The following STON2 variants were observed in gnomAD, a reference collection of about 807,000 sequenced individuals.
The protein encoded by STON2 is stonin-2.
Under a neutral mutation model 65.7 loss-of-function variants are expected in STON2, and 29 were observed. The ratio of observed to expected loss-of-function variants is 0.44; its 90% CI spans 0.33 to 0.60. The LOEUF is 0.60. Among genes scored for constraint, STON2 ranks in the 20% least tolerant of loss-of-function variants. The pLI is 0.03. For synonymous variants in STON2, 404 were observed against 414.2 expected (o/e 0.98, Z 0.30); for missense variants, 1,054 against 1,118.1 (o/e 0.94, Z 0.82).
Position 81,261,735 on chromosome 14 carries a change from C to A in STON2, c.*6679G>T. On this transcript the variant is annotated 3_prime_UTR_variant, in exon 8 of 8. Coordinates refer to ENST00000614646, the MANE Select transcript of STON2 (RefSeq NM_001394390.1). ...GACCTACTTCTGTGTCAGGTAGCAC[C>A]CAAATCCTAACATCTATTTTGGAGA... 2 of 1,451,572 alleles carry A rather than the reference C, an allele frequency of 1.4e-6. No homozygotes were observed. Among genetic ancestry groups the A allele is most frequent in the African/African-American group, 1.4e-5 (1 of 70,614 alleles). 89.9% of individuals were successfully genotyped at this position (1,451,572 alleles called of 1,614,324 possible).
chr14:81,329,181 C>T (rs1023492668), intron 4 of STON2, among the ~76,000 whole-genome samples: 15 of 152,056 alleles, frequency 9.9e-5, no homozygotes, highest in African/African-American at 3.1e-4. Flanking sequence ...CATGGCCGGG[C>T]GCGGTGGCTC....
At chr14:81,406,058 T>C (rs1306784551) in intron 2 of STON2, among the ~76,000 whole-genome samples, 1 of 152,168 alleles carries the variant, frequency 6.6e-6, no homozygotes, top group African/African-American at 2.4e-5. Context: ...TTCTTCAGCT[T>C]TTGGACTCTT....
intron 4 of STON2, among the ~76,000 whole-genome samples, chr14:81,328,837 C>T (rs1258969904): frequency 6.6e-6 from 1 of 152,168 alleles, no homozygotes; most frequent in Non-Finnish European, 1.5e-5. Flanking sequence ...GCCTCTCTCA[C>T]CATGTGACTT....
At chr14:81,302,357 C>G (rs1488966612) in intron 5 of STON2, among the ~76,000 whole-genome samples, 2 of 152,192 alleles carry the variant, frequency 1.3e-5, no homozygotes, top group Admixed American at 1.3e-4. Context: ...CACACAGGCT[C>G]TTCCTGTAGT....
At chr14:81,358,763 C>T (rs1232152287) in intron 4 of STON2, among the ~76,000 whole-genome samples, 1 of 151,986 alleles carries the variant, frequency 6.6e-6, no homozygotes, top group Non-Finnish European at 1.5e-5. Flanking sequence ...CAAAATAGAC[C>T]TTCAGTCAAA....
Position 81,396,117 on chromosome 14 carries a change from G to C in STON2, c.150C>G (p.Ser50=), listed in dbSNP as rs770138799. 18 of 1,614,002 alleles carry C rather than the reference G, an allele frequency of 1.1e-5. No homozygotes were observed. The highest frequency in any genetic ancestry group is 1.6e-4 in the Middle Eastern group (1 of 6,078). ...SSSPDQSESS[S]GENHVVDGGS... is the part of the protein sequence containing the mutation. ...CTCCATCCACCACATGGTTCTCCCC[G>C]GAGGAGCTCTCGGACTGGTCTGGGG... The change falls in exon 3 of 8, where the codon TCC becomes TCG. Residue 50 remains serine (S), a synonymous_variant. Coordinates refer to ENST00000614646, the MANE Select transcript of STON2 (RefSeq NM_001394390.1).
chr14:81,428,841 G>A (rs1485239092), intron 1 of STON2, among the ~76,000 whole-genome samples: 2 of 152,132 alleles, frequency 1.3e-5, no homozygotes, highest in African/African-American at 4.8e-5. Flanking sequence ...AAACCAGTTA[G>A]CTAACTTCAA....
chr14:81,261,691 C>A lies in STON2; in HGVS notation c.*6723G>T. 1 of 1,199,358 alleles carries A rather than the reference C, an allele frequency of 8.3e-7. No homozygotes were observed. The highest frequency in any genetic ancestry group is 2.2e-5 in the South Asian group (1 of 45,504). The allele number at this position is 1,199,358 out of a possible 1,614,324, so 74.3% of individuals were successfully genotyped here. ...ATACCTCATTGATTATCCTATCATC[C>A]CCAGTACTTGGAGGGTTAGACCTAC... is the stretch of plus-strand genomic sequence containing the variant. On this transcript the variant is annotated 3_prime_UTR_variant, in exon 8 of 8. Coordinates refer to ENST00000614646, the MANE Select transcript of STON2 (RefSeq NM_001394390.1).
chr14:81,345,016 T>C (rs1419907840), intron 4 of STON2, among the ~76,000 whole-genome samples: 6 of 152,130 alleles, frequency 3.9e-5, no homozygotes, highest in Admixed American at 3.3e-4. Flanking sequence ...CATAAACAAC[T>C]CTTTCCTCCT....
Position 81,265,142 on chromosome 14 carries a change from ATTTGCCCAACTGTTTTC to A in STON2, c.*3255_*3271del, listed in dbSNP as rs1894306526. On this transcript the variant is annotated 3_prime_UTR_variant, in exon 8 of 8. Transcript: ENST00000614646. ...AGTAGAATCTGCATATCCACAGGTAATTTGCCCAACTGTTTTCTATGTAGGTTATTACATAGCTAATT... is the reference window on the plus strand; with the variant it reads ...AGTAGAATCTGCATATCCACAGGTAATATGTAGGTTATTACATAGCTAATT... 1 of 985,014 alleles carries A rather than the reference ATTTGCCCAACTGTTTTC, an allele frequency of 1.0e-6. No homozygotes were observed. Among genetic ancestry groups the A allele is most frequent in the African/African-American group, 1.7e-5 (1 of 57,160 alleles). The allele number at this position is 985,014 out of a possible 1,614,324, so 61.0% of individuals were successfully genotyped here. A position where few individuals can be genotyped will look rare whatever the true frequency, so the allele number is the denominator to read the frequency against.
At position 81,266,522 on chromosome 14, in the gene STON2, G is replaced by A. The variant is rs999516860; in HGVS notation, c.*1892C>T. ...CTACTCCCTTGTTCTTGCATCATCAGACCCTTTACAACCCTGGTCACCTCC... is the reference window on the plus strand; with the variant it reads ...CTACTCCCTTGTTCTTGCATCATCAAACCCTTTACAACCCTGGTCACCTCC... On this transcript the variant is annotated 3_prime_UTR_variant, in exon 8 of 8. Transcript: ENST00000614646. The A allele has an allele frequency of 3.7e-6, 1 of 266,702 alleles. No homozygotes were observed. Among genetic ancestry groups the A allele is most frequent in the Non-Finnish European group, 5.8e-6 (1 of 173,082 alleles). The allele number at this position is 266,702 out of a possible 1,614,324, so 16.5% of individuals were successfully genotyped here.
chr14:81,370,888 A>G, intron 4 of STON2, 100 bp downstream of exon 4: 1 of 1,127,326 alleles, frequency 8.9e-7, no homozygotes, highest in Non-Finnish European at 1.3e-6. Flanking sequence ...CTCATTCTGC[A>G]AAGGAAGCCA....
chr14:81,284,221 T>C (rs557981896), intron 5 of STON2, among the ~76,000 whole-genome samples: 21 of 152,350 alleles, frequency 1.4e-4, no homozygotes, highest in Admixed American at 1.2e-3. Flanking sequence ...TGAAGAGTTA[T>C]ATGTCTCTTA....
At chr14:81,348,553 C>CT (rs1897903491) in intron 4 of STON2, among the ~76,000 whole-genome samples, 1 of 151,970 alleles carries the variant, frequency 6.6e-6, no homozygotes, top group African/African-American at 2.4e-5. Context: ...AGGTGAAAGA[C>CT]TTCTACAAGG....
At chr14:81,341,889 A>G (rs1897627914) in intron 4 of STON2, among the ~76,000 whole-genome samples, 1 of 152,192 alleles carries the variant, frequency 6.6e-6, no homozygotes, top group Admixed American at 6.5e-5. Context: ...TTTCCCATTT[A>G]TACCCAACAA....
intron 4 of STON2, among the ~76,000 whole-genome samples, chr14:81,336,159 G>A (rs922283058): frequency 3.9e-5 from 6 of 152,178 alleles, no homozygotes; most frequent in Admixed American, 6.5e-5. Context: ...GAGATTCAAA[G>A]TTTGGCACGC....
intron 4 of STON2, among the ~76,000 whole-genome samples, chr14:81,362,898 C>T (rs1004312176): frequency 2.6e-5 from 4 of 152,126 alleles, no homozygotes; most frequent in Admixed American, 6.5e-5. Context: ...ACAAAGGTCT[C>T]GGTCCAGCGG....
At position 81,270,811 on chromosome 14, in the gene STON2, A is replaced by C; in HGVS notation, c.2643T>G (p.Pro881=). The C allele has an allele frequency of 6.2e-7, 1 of 1,614,078 alleles. No homozygotes were observed. ...HLELGSDREV[P]SRFANHVNVE... ...CATTCACGTGATTGGCAAATCTGGA[A>C]GGCACTTCCCGGTCAGAGCCGAGTT... Residue 881 remains proline (P), a synonymous_variant, in exon 7 of 8, where the codon CCT becomes CCG. Transcript: ENST00000614646.
chr14:81,416,327 T>C, intron 2 of STON2, among the ~76,000 whole-genome samples: 1 of 152,134 alleles, frequency 6.6e-6, no homozygotes, highest in East Asian at 1.9e-4. Flanking sequence ...TTCATTCCTG[T>C]GGTCATGGCA....
Sources: gnomAD v4.1 joint callset for allele counts (sites outside exome capture counted in the v4.1 genomes callset) on GRCh38, gnomAD v4.1.1 for gene constraint, MANE v1.5 for transcripts, NCBI Gene and HGNC (gene_info 2026-07-23, HGNC 2026-07-21) for gene names.